Variants in ACSL3 observed in about 807,000 individuals in gnomAD.
The protein encoded by ACSL3 is fatty acid CoA ligase Acsl3.
In ACSL3, 34 loss-of-function variants were observed where a neutral mutation model predicts 84.7. The ratio of observed to expected loss-of-function variants is 0.40; its 90% confidence interval spans 0.31 to 0.53. The LOEUF (loss-of-function observed/expected upper bound fraction) is 0.53. Among genes scored for constraint, ACSL3 ranks in the 20% least tolerant of loss-of-function variants. The probability of loss-of-function intolerance (pLI) is 0.48; values close to 1 mark genes in which losing one functional copy is unlikely to be tolerated. For missense variants in ACSL3, 680 were observed against 873.1 expected (o/e 0.78, Z 2.79); for synonymous variants, 315 against 299.4 (o/e 1.05, Z -0.54).
rs1697407456 is a variant in ACSL3 at position 222,944,370 on chromosome 2, C to G, written c.*2716C>G. On this transcript the variant is annotated 3_prime_UTR_variant, in exon 17 of 17. Coordinates refer to ENST00000357430, the MANE Select transcript of ACSL3 (RefSeq NM_004457.5). ...TCTGATGTGTGGGCTCTTTTTTTCC[C>G]ATAAGAATTATGTACATCTGTGATG... The G allele has an allele frequency of 6.6e-6, 1 of 152,004 alleles. No homozygotes were observed. Among genetic ancestry groups the G allele is most frequent in the African/African-American group, 2.4e-5 (1 of 41,412 alleles). 9.4% of individuals were successfully genotyped at this position (152,004 alleles called of 1,614,324 possible). A position where few individuals can be genotyped will look rare whatever the true frequency, so the allele number is the denominator to read the frequency against.
chr2:222,930,351 A>G (rs1354946338), intron 13 of ACSL3, among the ~76,000 whole-genome samples: 1 of 152,210 alleles, frequency 6.6e-6, no homozygotes, highest in East Asian at 1.9e-4. Context: ...TTGTATTTAT[A>G]ATTTTATACA....
intron 1 of ACSL3, among the ~76,000 whole-genome samples, chr2:222,882,965 C>T (rs567065481): frequency 3.4e-3 from 411 of 120,762 alleles, no homozygotes; most frequent in African/African-American, 0.013. Flanking sequence ...AATGGGGTTT[C>T]GCTGTGTTAG....
intron 4 of ACSL3, among the ~76,000 whole-genome samples, chr2:222,911,374 T>A (rs1696436521): frequency 6.6e-6 from 1 of 152,156 alleles, no homozygotes; most frequent in African/African-American, 2.4e-5. Flanking sequence ...GGCACTCTGT[T>A]CTTGAGTCTG....
chr2:222,915,328 G>T (rs892386318), intron 4 of ACSL3, among the ~76,000 whole-genome samples: 1 of 152,174 alleles, frequency 6.6e-6, no homozygotes, highest in Non-Finnish European at 1.5e-5. Context: ...TCTTAAATGC[G>T]TAATTGCATG....
intron 4 of ACSL3, among the ~76,000 whole-genome samples, chr2:222,910,673 G>A (rs1574547525): frequency 6.6e-6 from 1 of 152,102 alleles, no homozygotes. Context: ...ATTTTAACTT[G>A]ACAACAGAAT....
chr2:222,930,637 T>C lies in ACSL3; in HGVS notation c.1557T>C (p.Thr519=), dbSNP rs768579233. The C allele has an allele frequency of 6.2e-7, 1 of 1,611,904 alleles. No homozygotes were observed. The highest frequency in any genetic ancestry group is 8.5e-7 in the Non-Finnish European group (1 of 1,179,094). Residue 519 remains threonine (T), a synonymous_variant, in exon 14 of 17, where the codon ACT becomes ACC. Transcript: ENST00000357430. ...TTTTATTAGGTGGATACTTTAATACTGATAAGCCACACCCCAGGGGTGAAA... is the reference window on the plus strand; with the variant it reads ...TTTTATTAGGTGGATACTTTAATACCGATAAGCCACACCCCAGGGGTGAAA... ...KNWEEGGYFN[T]DKPHPRGEIL... is the part of the protein sequence containing the mutation.
intron 7 of ACSL3, chr2:222,920,977 C>T (rs546759414): frequency 5.9e-6 from 3 of 508,574 alleles, no homozygotes; most frequent in South Asian, 1.5e-5. Context: ...CTTTGCTAAA[C>T]GAAACTCTAC....
At chr2:222,909,372 C>T (rs372625919) in intron 4 of ACSL3, among the ~76,000 whole-genome samples, 1 of 152,070 alleles carries the variant, frequency 6.6e-6, no homozygotes, top group Non-Finnish European at 1.5e-5. Context: ...TGGAGCTCTT[C>T]CCCAGTGTCT....
chr2:222,896,442 C>A (rs1290040944), intron 2 of ACSL3, among the ~76,000 whole-genome samples: 3 of 24,954 alleles, frequency 1.2e-4, no homozygotes, highest in African/African-American at 3.7e-4. Context: ...CCCCCTCCCC[C>A]CTCCCGGACG....
At chr2:222,870,216 T>A (rs1695263471) in intron 1 of ACSL3, among the ~76,000 whole-genome samples, 2 of 152,158 alleles carry the variant, frequency 1.3e-5, no homozygotes, top group Non-Finnish European at 2.9e-5. Flanking sequence ...TGACTCAGGA[T>A]TTTTGTTACC....
Position 222,916,299 on chromosome 2 carries a change from ATT to A in ACSL3, c.379-12_379-11del, listed in dbSNP as rs60362808. On this transcript the variant is annotated intron_variant, in intron 4 of 16. Coordinates refer to ENST00000357430, the MANE Select transcript of ACSL3 (RefSeq NM_004457.5). ...TTATTATTTTGATTACATTAAAAAA[ATT>A]TTTTTTTGTTTTATCAGGTTATTCT... 8.4e-6 allele frequency: 12 copies of A among 1,432,730 alleles called. No homozygotes were observed. The highest frequency in any genetic ancestry group is 5.8e-5 in the African/African-American group (4 of 69,158). The allele number at this position is 1,432,730 out of a possible 1,614,324, so 88.8% of individuals were successfully genotyped here. A position where few individuals can be genotyped will look rare whatever the true frequency, so the allele number is the denominator to read the frequency against.
Position 222,866,586 on chromosome 2 carries a change from A to G in ACSL3, c.-207+5328A>G, listed in dbSNP as rs75038588. 7.4e-3 allele frequency among the ~76,000 whole-genome samples: 1,120 copies of G among 152,226 alleles called. 43 individuals are homozygous for G. In the East Asian group the frequency reaches 0.13, roughly 18 times the overall value. On this transcript the variant is annotated intron_variant, in intron 1 of 16. Coordinates refer to ENST00000357430, the MANE Select transcript of ACSL3 (RefSeq NM_004457.5). Reference sequence around the variant, plus strand: ...CTTTGGTTCCAGAGTCCCTGTTCTTAACCTGGGCGCTGCATCTCCTCTCTG... The same window carrying G: ...CTTTGGTTCCAGAGTCCCTGTTCTTGACCTGGGCGCTGCATCTCCTCTCTG...
intron 2 of ACSL3, among the ~76,000 whole-genome samples, chr2:222,898,960 T>G (rs1159595835): frequency 1.3e-5 from 2 of 152,230 alleles, no homozygotes; most frequent in African/African-American, 4.8e-5. Flanking sequence ...TAGAAACACA[T>G]TCAAGTGTGA....
rs893759758 is a variant in ACSL3 at position 222,943,546 on chromosome 2, T to C, written c.*1892T>C. Reference sequence around the variant, plus strand: ...ACTTGAAATAGTGTCAGATGAATTATGTAGCTGATCACTGATGGAACCATC... The same window carrying C: ...ACTTGAAATAGTGTCAGATGAATTACGTAGCTGATCACTGATGGAACCATC... On this transcript the variant is annotated 3_prime_UTR_variant, in exon 17 of 17. Transcript: ENST00000357430. The C allele has an allele frequency of 6.3e-6, 1 of 158,574 alleles. No homozygotes were observed. The highest frequency in any genetic ancestry group is 6.5e-5 in the Admixed American group (1 of 15,424). The allele number at this position is 158,574 out of a possible 1,614,324, so 9.8% of individuals were successfully genotyped here.
chr2:222,917,229 G>T (rs1359641673), intron 5 of ACSL3, among the ~76,000 whole-genome samples: 6 of 152,028 alleles, frequency 3.9e-5, no homozygotes, highest in Admixed American at 6.5e-5. Flanking sequence ...AGCTGGGACT[G>T]CAGGCGCATG....
intron 5 of ACSL3, 105 bp downstream of exon 5, chr2:222,916,601 T>C (rs1413101904): frequency 3.1e-6 from 4 of 1,273,586 alleles, no homozygotes; most frequent in Non-Finnish European, 4.2e-6. Context: ...TCACCCAGTG[T>C]CCAGTTAGTG....
At chr2:222,937,253 A>G (rs530699859) in intron 16 of ACSL3, among the ~76,000 whole-genome samples, 34 of 152,166 alleles carry the variant, frequency 2.2e-4, no homozygotes, top group African/African-American at 7.5e-4. Context: ...ATAGACATGC[A>G]ATTGATTTTT....
At chr2:222,868,361 A>G (rs1208231547) in intron 1 of ACSL3, among the ~76,000 whole-genome samples, 1 of 152,202 alleles carries the variant, frequency 6.6e-6, no homozygotes, top group Non-Finnish European at 1.5e-5. Context: ...ATAGAAATCT[A>G]CCCGTAGATT....
intron 11 of ACSL3, 138 bp downstream of exon 11, chr2:222,924,733 T>C (rs1336200793): frequency 2.9e-6 from 3 of 1,050,316 alleles, no homozygotes. Flanking sequence ...TTAAAAAAAA[T>C]CCATCCCAGG....
Sources: gnomAD v4.1 joint callset for allele counts (sites outside exome capture counted in the v4.1 genomes callset) on GRCh38, gnomAD v4.1.1 for gene constraint, MANE v1.5 for transcripts, NCBI Gene and HGNC (gene_info 2026-07-23, HGNC 2026-07-21) for gene names.